The following GMDS variants were observed in gnomAD, a reference collection of about 807,000 sequenced individuals.
GMDS encodes the protein GDP-mannose 4,6 dehydratase.
In GMDS, 20 loss-of-function variants were observed where a neutral mutation model predicts 49.9. That is an observed-to-expected ratio of 0.40 (90% CI 0.28 to 0.58). GMDS has a LOEUF of 0.58. GMDS is among the 20% of genes least tolerant of loss of function. The pLI is 0.42. For missense variants in GMDS, 362 were observed against 481.4 expected (o/e 0.75, Z 2.32); for synonymous variants, 177 against 178.6 (o/e 0.99, Z 0.07).
chr6:2,192,222 G>C (rs544782263), intron 1 of GMDS, among the ~76,000 whole-genome samples: 1 of 152,232 alleles, frequency 6.6e-6, no homozygotes, highest in African/African-American at 2.4e-5. Context: ...ACCAGCTGCA[G>C]AGAGGAGCTA....
At chr6:2,035,840 C>A (rs1222953740) in intron 4 of GMDS, among the ~76,000 whole-genome samples, 1 of 152,082 alleles carries the variant, frequency 6.6e-6, no homozygotes, top group Non-Finnish European at 1.5e-5. Flanking sequence ...GTGTGCACCA[C>A]CATGCCCGGC....
At chr6:1,989,276 G>A (rs772321467) in intron 4 of GMDS, among the ~76,000 whole-genome samples, 1 of 152,210 alleles carries the variant, frequency 6.6e-6, no homozygotes, top group Non-Finnish European at 1.5e-5. Context: ...TACTCTTGGT[G>A]TGAGGAAGAG....
intron 9 of GMDS, among the ~76,000 whole-genome samples, chr6:1,684,316 A>G (rs1428725189): frequency 6.6e-6 from 1 of 152,170 alleles, no homozygotes; most frequent in Non-Finnish European, 1.5e-5. Context: ...GGCCACAGAC[A>G]TACTTCCCAG....
At chr6:1,896,446 C>T (rs977842379) in intron 7 of GMDS, among the ~76,000 whole-genome samples, 27 of 152,146 alleles carry the variant, frequency 1.8e-4, no homozygotes, top group African/African-American at 6.5e-4. Flanking sequence ...CAAAGTCTGG[C>T]GGGAACTAGA....
At chr6:1,770,772 G>A (rs1768548784) in intron 7 of GMDS, among the ~76,000 whole-genome samples, 1 of 152,202 alleles carries the variant, frequency 6.6e-6, no homozygotes, top group African/African-American at 2.4e-5. Context: ...TTCTTAATGA[G>A]GATAGAAGAT....
intron 1 of GMDS, among the ~76,000 whole-genome samples, chr6:2,203,203 G>A (rs945262893): frequency 1.3e-5 from 2 of 152,072 alleles, no homozygotes; most frequent in South Asian, 2.1e-4. Flanking sequence ...GGGGGTTGGG[G>A]GGTAGTTAAC....
At chr6:2,077,701 T>A (rs1772426583) in intron 4 of GMDS, among the ~76,000 whole-genome samples, 1 of 152,286 alleles carries the variant, frequency 6.6e-6, no homozygotes, top group East Asian at 1.9e-4. Flanking sequence ...CTGTCGAGGA[T>A]TTTTGAATCC....
intron 9 of GMDS, among the ~76,000 whole-genome samples, chr6:1,645,113 T>A (rs1763446969): frequency 6.6e-6 from 1 of 151,978 alleles, no homozygotes; most frequent in South Asian, 2.1e-4. Flanking sequence ...TTTTTGTATT[T>A]TTAGTAGAGA....
intron 1 of GMDS, among the ~76,000 whole-genome samples, chr6:2,152,727 C>T (rs1026041769): frequency 6.6e-6 from 1 of 152,010 alleles, no homozygotes; most frequent in Admixed American, 6.5e-5. Flanking sequence ...AAAATTTGGA[C>T]AGGTGACAAA....
intron 9 of GMDS, among the ~76,000 whole-genome samples, chr6:1,705,627 C>G (rs1403952387): frequency 6.6e-6 from 1 of 152,208 alleles, no homozygotes; most frequent in South Asian, 2.1e-4. Flanking sequence ...TTGATTTTCC[C>G]TGAGCTCTTT....
chr6:2,136,604 C>A (rs1280589612), intron 1 of GMDS, among the ~76,000 whole-genome samples: 1 of 152,006 alleles, frequency 6.6e-6, no homozygotes, highest in African/African-American at 2.4e-5. Flanking sequence ...GGGTGTGTCC[C>A]AGCTGCTCAG....
chr6:2,083,080 A>T (rs75552946), intron 4 of GMDS, among the ~76,000 whole-genome samples: 2,569 of 152,368 alleles, frequency 0.017, 54 homozygotes, highest in South Asian at 0.11. Context: ...AATTGAGTAT[A>T]AACAACTTAA....
At chr6:1,952,439 G>A (rs896427012) in intron 6 of GMDS, among the ~76,000 whole-genome samples, 8 of 152,162 alleles carry the variant, frequency 5.3e-5, no homozygotes, top group East Asian at 1.9e-4. Flanking sequence ...GCTAATGAGC[G>A]TGCATTTTTC....
chr6:2,192,103 A>T (rs1237988467), intron 1 of GMDS, among the ~76,000 whole-genome samples: 1 of 152,146 alleles, frequency 6.6e-6, no homozygotes, highest in Non-Finnish European at 1.5e-5. Flanking sequence ...AGACAATGGG[A>T]CAAGCTGCCT....
At chr6:2,195,157 G>C (rs1160189691) in intron 1 of GMDS, among the ~76,000 whole-genome samples, 2 of 152,104 alleles carry the variant, frequency 1.3e-5, no homozygotes, top group Non-Finnish European at 2.9e-5. Context: ...GCTTTAACCA[G>C]ACTTAGTATA....
At chr6:1,987,696 A>G (rs996655453) in intron 4 of GMDS, among the ~76,000 whole-genome samples, 29 of 152,240 alleles carry the variant, frequency 1.9e-4, no homozygotes, top group Admixed American at 1.5e-3. Flanking sequence ...TGTACTTTTA[A>G]ATATGGTAAA....
intron 9 of GMDS, among the ~76,000 whole-genome samples, chr6:1,652,417 AAT>A (rs1342006054): frequency 2.9e-4 from 6 of 20,380 alleles, no homozygotes; most frequent in African/African-American, 1.2e-3. Flanking sequence ...TATTATATAT[AAT>A]ATATATATAA....
chr6:2,074,585 G>C (rs1447203667), intron 4 of GMDS, among the ~76,000 whole-genome samples: 10 of 152,082 alleles, frequency 6.6e-5, no homozygotes, highest in African/African-American at 2.4e-4. Context: ...TCTTTGTCTA[G>C]AACAACATCC....
At chr6:2,179,524 C>T (rs1343072951) in intron 1 of GMDS, among the ~76,000 whole-genome samples, 1 of 152,186 alleles carries the variant, frequency 6.6e-6, no homozygotes, top group African/African-American at 2.4e-5. Context: ...TTCTTTTGTT[C>T]TCCCACGTGA....
Sources: allele counts gnomAD v4.1 joint callset (sites outside exome capture counted in the v4.1 genomes callset), GRCh38; gene constraint gnomAD v4.1.1; transcripts MANE v1.5; gene names NCBI Gene and HGNC (gene_info 2026-07-23, HGNC 2026-07-21).